Variants in AGBL4 observed in about 807,000 individuals in gnomAD.
AGBL4 encodes the protein cytosolic carboxypeptidase 6.
AGBL4 carries 58 observed loss-of-function variants against 66.4 expected under a neutral mutation model. That is an observed-to-expected ratio of 0.87 (90% CI 0.71 to 1.09). AGBL4 has a LOEUF of 1.09. Among genes scored for constraint, AGBL4 ranks in the 50% least tolerant of loss-of-function variants. The probability of loss-of-function intolerance (pLI) is 0.00; values close to 1 mark genes in which losing one functional copy is unlikely to be tolerated. For missense variants in AGBL4, 579 were observed against 631.0 expected (o/e 0.92, Z 0.88); for synonymous variants, 234 against 222.9 (o/e 1.05, Z -0.44).
rs145089479 is a variant in AGBL4, at chr1:49,691,017, T to TTGA, written c.282+6293_282+6295dup. ...TGTATTCTTAACTAGTACATTTTGCTTGATGATGATGATGATGATGATGAG... is the reference window on the plus strand; with the variant it reads ...TGTATTCTTAACTAGTACATTTTGCTTGATGATGATGATGATGATGATGATGAG... On this transcript the variant is annotated intron_variant, in intron 3 of 13. Transcript: ENST00000371839. Among the ~76,000 whole-genome samples, 76 of 151,998 alleles carry TTGA rather than the reference T, an allele frequency of 5.0e-4. No individual in the cohort carries two copies. In the East Asian group the frequency reaches 0.01, roughly 20 times the overall value.
intron 6 of AGBL4, among the ~76,000 whole-genome samples, chr1:48,719,816 C>A (rs1647115694): frequency 6.6e-6 from 1 of 152,182 alleles, no homozygotes; most frequent in African/African-American, 2.4e-5. Flanking sequence ...GAGTCCCAAA[C>A]CAAATAAGTA....
At chr1:48,557,220 T>C (rs1293981313) in intron 11 of AGBL4, among the ~76,000 whole-genome samples, 1 of 152,236 alleles carries the variant, frequency 6.6e-6, no homozygotes. Context: ...ATTTTCTATG[T>C]GAAACAATAA....
chr1:49,660,422 A>C (rs1646245838), intron 3 of AGBL4, among the ~76,000 whole-genome samples: 1 of 152,224 alleles, frequency 6.6e-6, no homozygotes, highest in African/African-American at 2.4e-5. Context: ...CACCAGTCAG[A>C]ATGGCTATTG....
At chr1:49,487,592 G>A (rs1367336904) in intron 3 of AGBL4, among the ~76,000 whole-genome samples, 1 of 151,894 alleles carries the variant, frequency 6.6e-6, no homozygotes, top group Non-Finnish European at 1.5e-5. Context: ...GAAGGTACCT[G>A]CCTCTCCTTT....
intron 4 of AGBL4, among the ~76,000 whole-genome samples, chr1:49,139,477 G>C (rs751699533): frequency 6.6e-6 from 1 of 152,058 alleles, no homozygotes; most frequent in East Asian, 1.9e-4. Flanking sequence ...GCCAGTCCTG[G>C]TAGAGTGGGA....
intron 5 of AGBL4, among the ~76,000 whole-genome samples, chr1:48,996,068 A>G (rs1425570087): frequency 1.3e-5 from 2 of 152,192 alleles, no homozygotes; most frequent in African/African-American, 4.8e-5. Flanking sequence ...AGACTCACTA[A>G]TGGACTGGAT....
At chr1:49,788,770 A>G (rs560756713) in intron 2 of AGBL4, among the ~76,000 whole-genome samples, 1 of 152,360 alleles carries the variant, frequency 6.6e-6, no homozygotes, top group South Asian at 2.1e-4. Flanking sequence ...ACGCATGGGA[A>G]AATAACAAGC....
chr1:49,124,331 T>C (rs1645722791), intron 4 of AGBL4, among the ~76,000 whole-genome samples: 1 of 152,164 alleles, frequency 6.6e-6, no homozygotes, highest in South Asian at 2.1e-4. Flanking sequence ...GGTCAAATGA[T>C]AGAAGATAGA....
chr1:49,334,825 G>C (rs1645402026), intron 3 of AGBL4, among the ~76,000 whole-genome samples: 1 of 152,184 alleles, frequency 6.6e-6, no homozygotes, highest in Non-Finnish European at 1.5e-5. Context: ...GAGGGGTCCA[G>C]GGGAAGACAG....
At chr1:49,927,300 G>GA (rs1188625190) in intron 1 of AGBL4, among the ~76,000 whole-genome samples, 1 of 152,138 alleles carries the variant, frequency 6.6e-6, no homozygotes, top group African/African-American at 2.4e-5. Flanking sequence ...CTGCTAAGAA[G>GA]AAATACCTGA....
intron 2 of AGBL4, among the ~76,000 whole-genome samples, chr1:49,722,727 C>T (rs1384800551): frequency 6.6e-6 from 1 of 152,024 alleles, no homozygotes; most frequent in Non-Finnish European, 1.5e-5. Flanking sequence ...CATTGATTAC[C>T]TTTGTGACCT....
intron 3 of AGBL4, among the ~76,000 whole-genome samples, chr1:49,613,075 T>C (rs745346269): frequency 2.0e-5 from 3 of 152,158 alleles, no homozygotes; most frequent in Non-Finnish European, 4.4e-5. Flanking sequence ...TCATGTATTC[T>C]GCAGCAACAT....
intron 3 of AGBL4, among the ~76,000 whole-genome samples, chr1:49,296,854 G>A (rs1043936979): frequency 6.6e-6 from 1 of 152,228 alleles, no homozygotes; most frequent in Non-Finnish European, 1.5e-5. Flanking sequence ...TGTCATAAAT[G>A]CAGTGAAGAT....
chr1:49,638,451 T>A (rs1386171074), intron 3 of AGBL4, among the ~76,000 whole-genome samples: 3 of 152,188 alleles, frequency 2.0e-5, no homozygotes, highest in Admixed American at 2.0e-4. Context: ...TTTGGTCTAA[T>A]CTTCATTCAT....
At chr1:48,816,473 T>C (rs17104927) in intron 6 of AGBL4, among the ~76,000 whole-genome samples, 10,630 of 152,174 alleles carry the variant, frequency 0.07, 509 homozygotes, top group East Asian at 0.17. Context: ...GGAATAGGTA[T>C]ATGTTGAATG....
intron 6 of AGBL4, among the ~76,000 whole-genome samples, chr1:48,765,911 A>G (rs797022699): frequency 6.6e-6 from 1 of 152,306 alleles, no homozygotes; most frequent in African/African-American, 2.4e-5. Context: ...AGCAGGGGGA[A>G]AAGGGCAATA....
At chr1:49,528,277 A>T (rs949548032) in intron 3 of AGBL4, among the ~76,000 whole-genome samples, 1 of 152,110 alleles carries the variant, frequency 6.6e-6, no homozygotes, top group Non-Finnish European at 1.5e-5. Flanking sequence ...TACTCATGGT[A>T]CTTATGAGAC....
downstream of AGBL4, among the ~76,000 whole-genome samples, chr1:48,529,596 G>C (rs1569635339): frequency 6.6e-6 from 1 of 152,212 alleles, no homozygotes; most frequent in African/African-American, 2.4e-5. Flanking sequence ...TTGTGGCCCT[G>C]ATGCCCCTTT....
At chr1:49,282,891 C>T (rs1043167813) in intron 3 of AGBL4, among the ~76,000 whole-genome samples, 1 of 152,094 alleles carries the variant, frequency 6.6e-6, no homozygotes, top group Non-Finnish European at 1.5e-5. Context: ...GTCTCGCTGA[C>T]TGCTAGCACA....
Sources: gnomAD v4.1 joint callset for allele counts (sites outside exome capture counted in the v4.1 genomes callset) on GRCh38, gnomAD v4.1.1 for gene constraint, MANE v1.5 for transcripts, NCBI Gene and HGNC (gene_info 2026-07-23, HGNC 2026-07-21) for gene names.